The following NOVA1 variants were observed in gnomAD, a reference collection of about 807,000 sequenced individuals.
NOVA1 encodes RNA-binding protein Nova-1.
NOVA1 carries 7 observed loss-of-function variants against 38.0 expected under a neutral mutation model. That is an observed-to-expected ratio of 0.18 (90% CI 0.10 to 0.35). The LOEUF (loss-of-function observed/expected upper bound fraction) is 0.35. Ranked by LOEUF, NOVA1 falls within the 10% of genes least tolerant of loss-of-function variation. The pLI, the probability that NOVA1 is intolerant of heterozygous loss-of-function variation, is 1.00. For synonymous variants in NOVA1, 270 were observed against 232.5 expected (o/e 1.16, Z -1.47); for missense variants, 460 against 616.0 (o/e 0.75, Z 2.68).
At chr14:26,596,375 A>G (rs1423741160) in intron 1 of NOVA1, among the ~76,000 whole-genome samples, 1 of 152,220 alleles carries the variant, frequency 6.6e-6, no homozygotes, top group Admixed American at 6.5e-5. Flanking sequence ...TGGAAGAACC[A>G]GGAAAAATAA....
rs573817701 is a variant in NOVA1, at chr14:26,557,243, T to A, written c.280+38167A>T. On this transcript the variant is annotated intron_variant, in intron 2 of 4. Transcript: ENST00000539517. ...AGTATCTCCTTAGGGAAGTGAAAAT[T>A]AAAACAACAATAAGATACCATATTA... Among the ~76,000 whole-genome samples the A allele has an allele frequency of 6.6e-4, 101 of 152,252 alleles. 1 individual carries two copies. The highest frequency in any genetic ancestry group is 2.0e-3 in the African/African-American group (84 of 41,560).
In NOVA1 at chr14:26,443,291, T is replaced by G. The variant is rs1366820103; in HGVS notation, c.*4668A>C. 6.6e-6 allele frequency: 1 copy of G among 151,996 alleles called. No homozygotes were observed. Among genetic ancestry groups the G allele is most frequent in the Non-Finnish European group, 1.5e-5 (1 of 67,896 alleles). 9.4% of individuals were successfully genotyped at this position (151,996 alleles called of 1,614,324 possible). A position where few individuals can be genotyped will look rare whatever the true frequency, so the allele number is the denominator to read the frequency against. On this transcript the variant is annotated 3_prime_UTR_variant, in exon 5 of 5. Transcript: ENST00000539517. ...CCTTTCCATTGCAATTATAAAAAAC[T>G]ATTTAAAAAAAATTCGGCACATACA... is the stretch of plus-strand genomic sequence containing the variant.
intron 2 of NOVA1, among the ~76,000 whole-genome samples, chr14:26,555,166 G>T (rs1246857824): frequency 6.6e-6 from 1 of 152,046 alleles, no homozygotes; most frequent in Non-Finnish European, 1.5e-5. Context: ...TACAATTGTA[G>T]AGAATACTTT....
At chr14:26,515,613 T>C (rs972356499) in intron 2 of NOVA1, among the ~76,000 whole-genome samples, 1 of 151,986 alleles carries the variant, frequency 6.6e-6, no homozygotes, top group Non-Finnish European at 1.5e-5. Flanking sequence ...ATGGTTACTT[T>C]ACATTTTTAC....
At chr14:26,467,218 T>C (rs571646503) in intron 4 of NOVA1, among the ~76,000 whole-genome samples, 1 of 152,068 alleles carries the variant, frequency 6.6e-6, no homozygotes, top group South Asian at 2.1e-4. Context: ...AGGAGGAAAA[T>C]CAAACGTGGG....
intron 2 of NOVA1, chr14:26,593,913 A>C (rs1163925622): frequency 1.3e-5 from 2 of 151,884 alleles, no homozygotes; most frequent in East Asian, 3.9e-4. Context: ...ATTTTCATCT[A>C]TTGACAGTGA....
intron 2 of NOVA1, among the ~76,000 whole-genome samples, chr14:26,569,035 A>T (rs1892308515): frequency 6.6e-6 from 1 of 152,210 alleles, no homozygotes; most frequent in South Asian, 2.1e-4. Context: ...AGCCACTCTG[A>T]AGGAAACCAC....
chr14:26,543,287 T>TAGAA (rs1890585206), intron 2 of NOVA1, among the ~76,000 whole-genome samples: 2 of 151,980 alleles, frequency 1.3e-5, no homozygotes, highest in South Asian at 4.1e-4. Flanking sequence ...AATAAGGAGA[T>TAGAA]AGAAGTATTA....
At chr14:26,538,781 T>C (rs1200822705) in intron 2 of NOVA1, among the ~76,000 whole-genome samples, 2 of 152,160 alleles carry the variant, frequency 1.3e-5, no homozygotes, top group Admixed American at 1.3e-4. Context: ...CTTCAAATTG[T>C]AATTATGGTA....
chr14:26,597,272 G>C (rs1290119726), intron 1 of NOVA1, 29 bp downstream of exon 1: 3 of 1,237,066 alleles, frequency 2.4e-6, no homozygotes, highest in Non-Finnish European at 3.0e-6. Flanking sequence ...GGGGGATGGG[G>C]CCAGCGGGGA....
chr14:26,471,012 G>C (rs1884543250), intron 4 of NOVA1, among the ~76,000 whole-genome samples: 2 of 152,066 alleles, frequency 1.3e-5, no homozygotes, highest in South Asian at 4.1e-4. Context: ...TCATGCATTT[G>C]TAATACAAGC....
intron 2 of NOVA1, among the ~76,000 whole-genome samples, chr14:26,512,839 G>GA (rs72524172): frequency 0.93 from 141,613 of 152,042 alleles, 66,726 homozygotes; most frequent in East Asian, 1. Flanking sequence ...CATATCATAA[G>GA]AGGTAATCAA....
chr14:26,512,384 A>G (rs1306235201), intron 2 of NOVA1, among the ~76,000 whole-genome samples: 1 of 152,210 alleles, frequency 6.6e-6, no homozygotes, highest in African/African-American at 2.4e-5. Context: ...AATAGTTTAA[A>G]GCAGGGGTCA....
intron 2 of NOVA1, among the ~76,000 whole-genome samples, chr14:26,554,356 AAAAAC>A (rs541997200): frequency 1.1e-3 from 174 of 152,110 alleles, no homozygotes; most frequent in African/African-American, 3.9e-3. Flanking sequence ...TATGAGAAAA[AAAAAC>A]AAAACAAAAC....
intron 2 of NOVA1, among the ~76,000 whole-genome samples, chr14:26,494,041 G>A (rs556762850): frequency 4.6e-5 from 7 of 152,104 alleles, no homozygotes; most frequent in African/African-American, 7.2e-5. Context: ...TCTACATATC[G>A]AAGTTACCAG....
intron 1 of NOVA1, 172 bp from the exon 2 acceptor site, chr14:26,595,725 A>G: frequency 3.7e-6 from 2 of 547,736 alleles, no homozygotes; most frequent in South Asian, 5.5e-5. Flanking sequence ...TGAAAAACAA[A>G]CAGGTACAAA....
At chr14:26,459,739 G>T (rs1343617678) in intron 4 of NOVA1, among the ~76,000 whole-genome samples, 1 of 151,954 alleles carries the variant, frequency 6.6e-6, no homozygotes, top group Non-Finnish European at 1.5e-5. Flanking sequence ...GTTGTTTATG[G>T]ATTAATACTC....
chr14:26,467,310 G>A (rs1386375868), intron 4 of NOVA1, among the ~76,000 whole-genome samples: 1 of 152,178 alleles, frequency 6.6e-6, no homozygotes, highest in African/African-American at 2.4e-5. Flanking sequence ...GGTAGATAAA[G>A]TAATATGTAG....
intron 2 of NOVA1, among the ~76,000 whole-genome samples, chr14:26,581,319 A>AT (rs1893209852): frequency 1.3e-5 from 2 of 152,110 alleles, no homozygotes; most frequent in Non-Finnish European, 2.9e-5. Flanking sequence ...ACTGAGTACT[A>AT]TATCACAGTG....
Sources: gnomAD v4.1 joint callset for allele counts (sites outside exome capture counted in the v4.1 genomes callset) on GRCh38, gnomAD v4.1.1 for gene constraint, MANE v1.5 for transcripts, NCBI Gene and HGNC (gene_info 2026-07-23, HGNC 2026-07-21) for gene names.